Variants in RABGAP1L observed in about 807,000 individuals in gnomAD.
RABGAP1L encodes the protein RAB GTPase activating protein 1 like.
RABGAP1L carries 63 observed loss-of-function variants against 137.7 expected under a neutral mutation model. That is an observed-to-expected ratio of 0.46 (90% CI 0.37 to 0.56). The LOEUF (loss-of-function observed/expected upper bound fraction) is 0.56. Among genes scored for constraint, RABGAP1L ranks in the 20% least tolerant of loss-of-function variants. The pLI, the probability that RABGAP1L is intolerant of heterozygous loss-of-function variation, is 0.00. For missense variants in RABGAP1L, 1,095 were observed against 1,244.0 expected, an observed-to-expected ratio of 0.88 and a Z score of 1.80; for synonymous variants, 431 against 433.7, an observed-to-expected ratio of 0.99 and a Z score of 0.08.
At chr1:174,601,157 G>C (rs567129089) in intron 13 of RABGAP1L, among the ~76,000 whole-genome samples, 71 of 152,326 alleles carry the variant, frequency 4.7e-4, no homozygotes, top group African/African-American at 1.7e-3. Flanking sequence ...AGCCAGGGCT[G>C]GAGTGGCTGG....
At chr1:174,216,410 A>G (rs1363161027) in intron 1 of RABGAP1L, among the ~76,000 whole-genome samples, 3 of 152,174 alleles carry the variant, frequency 2.0e-5, no homozygotes, top group Non-Finnish European at 4.4e-5. Flanking sequence ...CACATAACAC[A>G]TTAATATATA....
intron 25 of RABGAP1L, among the ~76,000 whole-genome samples, 180 bp downstream of exon 25, chr1:174,989,018 A>T (rs1671844963): frequency 6.6e-6 from 1 of 152,218 alleles, no homozygotes; most frequent in East Asian, 1.9e-4. Context: ...ATATAAACAA[A>T]TATATAATTT....
intron 13 of RABGAP1L, among the ~76,000 whole-genome samples, chr1:174,616,771 T>C (rs1266969394): frequency 6.6e-6 from 1 of 152,230 alleles, no homozygotes; most frequent in Admixed American, 6.5e-5. Flanking sequence ...AAATGTGGAA[T>C]GAAAGTTCTG....
chr1:174,836,626 C>A (rs1195863108), intron 19 of RABGAP1L, among the ~76,000 whole-genome samples: 1 of 152,210 alleles, frequency 6.6e-6, no homozygotes, highest in Non-Finnish European at 1.5e-5. Flanking sequence ...TGTGACATAT[C>A]TCTGATAGGA....
chr1:174,613,143 G>C (rs1275479622), intron 13 of RABGAP1L, among the ~76,000 whole-genome samples: 1 of 149,552 alleles, frequency 6.7e-6, no homozygotes, highest in East Asian at 1.9e-4. Context: ...TTTTAATTGT[G>C]ATGTTAGGGT....
At chr1:174,600,220 C>T (rs778596516) in intron 13 of RABGAP1L, among the ~76,000 whole-genome samples, 1 of 152,176 alleles carries the variant, frequency 6.6e-6, no homozygotes, top group Non-Finnish European at 1.5e-5. Context: ...GATTCAATCA[C>T]CTCCACCTGG....
chr1:174,302,354 ATACTT>A (rs1294057246), intron 10 of RABGAP1L, among the ~76,000 whole-genome samples: 1 of 152,182 alleles, frequency 6.6e-6, no homozygotes, highest in Non-Finnish European at 1.5e-5. Flanking sequence ...ATTTTTCTAA[ATACTT>A]TACTTGCTTT....
chr1:174,570,429 C>T (rs1300184759), intron 13 of RABGAP1L, among the ~76,000 whole-genome samples: 2 of 152,148 alleles, frequency 1.3e-5, no homozygotes, highest in African/African-American at 4.8e-5. Flanking sequence ...GAAAACCTAC[C>T]ACTGTGTGTT....
intron 24 of RABGAP1L, among the ~76,000 whole-genome samples, chr1:174,986,375 T>G (rs1574082275): frequency 6.6e-6 from 1 of 152,296 alleles, no homozygotes; most frequent in East Asian, 1.9e-4. Flanking sequence ...TAAGCAGCCT[T>G]TTTAGAAGCT....
intron 13 of RABGAP1L, among the ~76,000 whole-genome samples, chr1:174,442,724 G>T (rs906397321): frequency 3.9e-5 from 6 of 152,048 alleles, no homozygotes; most frequent in South Asian, 2.1e-4. Flanking sequence ...ATGACTTATT[G>T]TATTGGTAAC....
chr1:174,312,428 G>A (rs908820461), intron 11 of RABGAP1L, among the ~76,000 whole-genome samples: 3 of 151,884 alleles, frequency 2.0e-5, no homozygotes, highest in East Asian at 1.9e-4. Context: ...TCTTTTGCCC[G>A]TGTGTTAATC....
At chr1:174,557,042 C>A (rs576156456) in intron 13 of RABGAP1L, among the ~76,000 whole-genome samples, 1 of 152,188 alleles carries the variant, frequency 6.6e-6, no homozygotes, top group East Asian at 1.9e-4. Context: ...ATGACTAGTG[C>A]AAAGGGACTA....
chr1:174,650,321 T>A (rs1675362175), intron 14 of RABGAP1L, among the ~76,000 whole-genome samples: 1 of 152,120 alleles, frequency 6.6e-6, no homozygotes, highest in Non-Finnish European at 1.5e-5. Flanking sequence ...TCTGCCCGGC[T>A]TTGGTATCAG....
At chr1:174,587,653 T>C (rs949727864) in intron 13 of RABGAP1L, among the ~76,000 whole-genome samples, 1 of 152,040 alleles carries the variant, frequency 6.6e-6, no homozygotes, top group Non-Finnish European at 1.5e-5. Flanking sequence ...TGAACTTTTC[T>C]TCCCAACATA....
chr1:174,551,021 T>TATACACAC (rs1553330343), intron 13 of RABGAP1L, among the ~76,000 whole-genome samples: 15 of 122,796 alleles, frequency 1.2e-4, no homozygotes, highest in East Asian at 4.3e-4. Flanking sequence ...TATATATATA[T>TATACACAC]ACATACACAC....
intron 13 of RABGAP1L, among the ~76,000 whole-genome samples, chr1:174,491,337 C>T (rs1386561140): frequency 6.6e-6 from 1 of 152,044 alleles, no homozygotes; most frequent in Admixed American, 6.6e-5. Context: ...GCGTTCCCTT[C>T]TGGCTGAGGG....
chr1:174,439,115 G>A (rs1653830423), intron 13 of RABGAP1L, among the ~76,000 whole-genome samples: 2 of 151,426 alleles, frequency 1.3e-5, no homozygotes, highest in South Asian at 4.2e-4. Flanking sequence ...ATGTGTAAGA[G>A]CAGATATCCT....
chr1:174,569,340 C>T (rs1667813577), intron 13 of RABGAP1L, among the ~76,000 whole-genome samples: 1 of 152,130 alleles, frequency 6.6e-6, no homozygotes, highest in Non-Finnish European at 1.5e-5. Flanking sequence ...CTGCCTTCCT[C>T]CTGTTACAGA....
chr1:174,240,667 G>T (rs1025480958), intron 4 of RABGAP1L, among the ~76,000 whole-genome samples: 1 of 152,190 alleles, frequency 6.6e-6, no homozygotes, highest in Non-Finnish European at 1.5e-5. Flanking sequence ...CTTTTCTGTG[G>T]TAGAAAGGGC....
Sources: allele counts gnomAD v4.1 joint callset (sites outside exome capture counted in the v4.1 genomes callset), GRCh38; gene constraint gnomAD v4.1.1; transcripts MANE v1.5; gene names NCBI Gene and HGNC (gene_info 2026-07-23, HGNC 2026-07-21).